Variants in CIC observed in about 807,000 individuals in gnomAD.
CIC encodes the protein protein capicua homolog.
CIC carries 18 observed loss-of-function variants against 115.7 expected under a neutral mutation model. The ratio of observed to expected loss-of-function variants is 0.16; its 90% CI spans 0.11 to 0.23. The LOEUF (loss-of-function observed/expected upper bound fraction) is 0.23. CIC is among the 10% of genes least tolerant of loss of function. The pLI is 1.00. For synonymous variants in CIC, 1,076 were observed against 923.0 expected (o/e 1.17, Z -3.01); for missense variants, 2,000 against 2,159.3 (o/e 0.93, Z 1.46).
At chr19:42,276,374 G>A (rs191426390) in intron 2 of CIC, among the ~76,000 whole-genome samples, 367 of 152,320 alleles carry the variant, frequency 2.4e-3, no homozygotes, top group Middle Eastern at 6.8e-3. Context: ...AACCACTGCT[G>A]CACCATAGAG....
intron 2 of CIC, among the ~76,000 whole-genome samples, chr19:42,274,948 G>A (rs190313321): frequency 3.0e-4 from 46 of 152,326 alleles, no homozygotes; most frequent in East Asian, 9.6e-4. Flanking sequence ...TAAGCACTGC[G>A]TGTAGGTGAG....
intron 2 of CIC, among the ~76,000 whole-genome samples, chr19:42,286,561 G>C (rs1287278801): frequency 1.3e-5 from 2 of 150,576 alleles, no homozygotes; most frequent in Non-Finnish European, 2.9e-5. Context: ...TCCCTTCCCT[G>C]CTTCTGTTTT....
chr19:42,288,863 C>T (rs369899233), intron 7 of CIC, 25 bp from the exon 8 acceptor site: 151 of 1,608,884 alleles, frequency 9.4e-5, no homozygotes, highest in Non-Finnish European at 1.3e-4. Flanking sequence ...TACTGACTGT[C>T]ATAGCGCCAC....
Position 42,295,181 on chromosome 19 carries a change from C to T in CIC, c.7544C>T (p.Thr2515Ile), listed in dbSNP as rs1336058229. 3 of 1,530,428 alleles carry T rather than the reference C, an allele frequency of 2.0e-6. No homozygotes were observed. Among genetic ancestry groups the T allele is most frequent in the Non-Finnish European group, 2.6e-6 (3 of 1,143,390 alleles). 94.8% of individuals were successfully genotyped at this position (1,530,428 alleles called of 1,614,324 possible). A position where few individuals can be genotyped will look rare whatever the true frequency, so the allele number is the denominator to read the frequency against. Residue 2515 changes from threonine to isoleucine, a missense_variant, in exon 21 of 21, where the codon ACA becomes ATA. Thr to Ile is a moderately conservative substitution (Grantham distance 89, BLOSUM62 -1). This residue lies in a region of CIC where 133 missense variants were observed against 116.0 expected (regional missense o/e 1.15). Coordinates refer to ENST00000681038, the MANE Select transcript of CIC (RefSeq NM_001386298.1). The stretch of plus-strand genomic sequence containing the variant: ...CCCCCAGGTCCCTCCACAGCTGCCA[C>T]AGGCAGGTGAGGGACCCCTGAGAAG... ...PPPPGPSTAA[T>I]GR
At position 42,276,156 on chromosome 19, in the gene CIC, A is replaced by T. The variant is rs1283112003; in HGVS notation, c.2794+1579A>T. Among the ~76,000 whole-genome samples, 3 of 152,208 alleles carry T rather than the reference A, an allele frequency of 2.0e-5. No individual in the cohort carries two copies. The East Asian group carries it at 5.8e-4, about 29-fold the overall frequency. ...GCAGGAAGGATCTTCAGGCAGAGGAAAGAGTTTGTGCAAAGGCCTTAAGGC... is the reference window on the plus strand; with the variant it reads ...GCAGGAAGGATCTTCAGGCAGAGGATAGAGTTTGTGCAAAGGCCTTAAGGC... On this transcript the variant is annotated intron_variant, in intron 2 of 20. Transcript: ENST00000681038.
Position 42,287,413 on chromosome 19 carries a change from C to G in CIC, c.3273C>G (p.Asp1091Glu), listed in dbSNP as rs769059501. 4 of 1,614,078 alleles carry G rather than the reference C, an allele frequency of 2.5e-6. No individual in the cohort carries two copies. Among genetic ancestry groups the G allele is most frequent in the Non-Finnish European group, 3.4e-6 (4 of 1,180,046 alleles). ...QSLSALPKER[D>E]SSSEKDGRSP... The stretch of plus-strand genomic sequence containing the variant: ...TCAGTGCCCTACCCAAGGAACGGGA[C>G]TCATCTTCTGAGAAGGATGGACGCA... Residue 1091 changes from aspartate to glutamate, a missense_variant, in exon 5 of 21, where the codon GAC becomes GAG. Asp to Glu is a conservative substitution (Grantham distance 45). Transcript: ENST00000681038. This position sits in a 1 kb window ranked among gnomAD's most constrained non-coding sequence, Gnocchi z 8.7.
Position 42,287,898 on chromosome 19 carries a change from G to T in CIC, c.3581G>T (p.Ser1194Ile), listed in dbSNP as rs1386902632. ...KKSSSEAKPTSLGLAGGHKET... is the reference protein window; with the variant it reads ...KKSSSEAKPTILGLAGGHKET... ...TCCAGCTCAGAGGCCAAGCCCACGA[G>T]CCTGGGGCTGGCAGGAGGGCACAAG... Residue 1194 changes from serine (S) to isoleucine (I), a missense_variant, in exon 7 of 21, where the codon AGC becomes ATC. Ser to Ile is a moderately radical substitution (Grantham distance 142). Around this residue, in one of 8 missense-constraint regions of CIC, gnomAD observed 38 missense variants for 50.3 expected, o/e 0.76. Transcript: ENST00000681038. The surrounding 1 kb of genome is among the most constrained non-coding windows in gnomAD (Gnocchi z 8.7). 7 of 1,610,266 alleles carry T rather than the reference G, an allele frequency of 4.3e-6. No homozygotes were observed. In the African/African-American group the frequency reaches 8.0e-5, roughly 18 times the overall value.
rs2037156719 is a variant in CIC at position 42,280,075 on chromosome 19, G to A, written c.2794+5498G>A. 6.6e-6 allele frequency: 1 copy of A among 152,224 alleles called. No homozygotes were observed. Among genetic ancestry groups the A allele is most frequent in the East Asian group, 1.9e-4 (1 of 5,174 alleles). The allele number at this position is 152,224 out of a possible 1,614,324, so 9.4% of individuals were successfully genotyped here. ...GCCGGGAGGGAGGCGCATTAGCGGC[G>A]GCGACGGCGTCTGGCTCCCATTACC... On this transcript the variant is annotated intron_variant, in intron 2 of 20. Transcript: ENST00000681038. The surrounding 1 kb of genome is among the most constrained non-coding windows in gnomAD (Gnocchi z 4.9).
chr19:42,276,348 G>A (rs2036977358), intron 2 of CIC, among the ~76,000 whole-genome samples: 1 of 152,188 alleles, frequency 6.6e-6, no homozygotes, highest in Admixed American at 6.5e-5. Flanking sequence ...AGTCATGGAA[G>A]GTTTTGAGCA....
At chr19:42,274,669 G>C (rs909894945) in intron 2 of CIC, 92 bp downstream of exon 2, 4 of 398,130 alleles carry the variant, frequency 1.0e-5, no homozygotes, top group African/African-American at 8.2e-5. Flanking sequence ...CCTCACCTTG[G>C]GAGGGCTTCA....
At position 42,269,270 on chromosome 19, in the gene CIC, G is replaced by GT. The variant is rs2036669490; in HGVS notation, c.-121dup. 1 of 142,652 alleles carries GT rather than the reference G, an allele frequency of 7.0e-6. No individual in the cohort carries two copies. Among genetic ancestry groups the GT allele is most frequent in the South Asian group, 2.5e-4 (1 of 3,976 alleles). 8.8% of individuals were successfully genotyped at this position (142,652 alleles called of 1,614,324 possible). On this transcript the variant is annotated 5_prime_UTR_variant, in exon 1 of 21. Transcript: ENST00000681038. ...TCCATTCACCATTTTGTGTGTTGGA[G>GT]TAAAAAAAAAAGGGAGAATCGAGAG... is the stretch of plus-strand genomic sequence containing the variant.
intron 2 of CIC, among the ~76,000 whole-genome samples, chr19:42,285,389 A>T (rs1387008551): frequency 1.3e-5 from 2 of 152,264 alleles, no homozygotes; most frequent in Non-Finnish European, 2.9e-5. Flanking sequence ...GGAGGCTTTT[A>T]TATGGGGTTG....
rs1434931998 is a variant in CIC, at chr19:42,273,459, A to T, written c.1676A>T (p.Asp559Val). The T allele has an allele frequency of 2.5e-6, 1 of 398,342 alleles. No individual in the cohort carries two copies. The highest frequency in any genetic ancestry group is 4.4e-6 in the Non-Finnish European group (1 of 225,918). 24.7% of individuals were successfully genotyped at this position (398,342 alleles called of 1,614,324 possible). ...GCCCGTGAGGGCAGCACGGAGTTTG[A>T]CTGGGGTGATGAGACGTCGAGGGAC... ...VAAREGSTEFDWGDETSRDSE... is the reference protein window; with the variant it reads ...VAAREGSTEFVWGDETSRDSE... The change falls in exon 2 of 21, where the codon GAC (aspartate) becomes GTC (valine). Residue 559 changes from aspartate (D) to valine (V), a missense_variant. Asp to Val is a radical substitution (Grantham distance 152). Around this residue, in one of 8 missense-constraint regions of CIC, gnomAD observed 222 missense variants for 247.7 expected, o/e 0.90. Coordinates refer to ENST00000681038, the MANE Select transcript of CIC (RefSeq NM_001386298.1).
intron 2 of CIC, chr19:42,284,635 G>A (rs2037483440): frequency 8.0e-7 from 1 of 1,242,470 alleles, no homozygotes; most frequent in Non-Finnish European, 1.1e-6. Context: ...CCGAGGAGCG[G>A]GCTGCGGGCG....
rs745695673 is a variant in CIC, at chr19:42,295,147, T to G, written c.7510T>G (p.Ser2504Ala). The change falls in exon 21 of 21, where the codon TCC (serine) becomes GCC (alanine). Residue 2504 changes from serine (S) to alanine (A), a missense_variant. This residue lies in a region of CIC where 133 missense variants were observed against 116.0 expected (regional missense o/e 1.15). Coordinates refer to ENST00000681038, the MANE Select transcript of CIC (RefSeq NM_001386298.1). ...TGGCTGGGAGGGGGCTCCCCAGCCC[T>G]CCCCCCCACCCCCAGGTCCCTCCAC... ...QPGWEGAPQP[S>A]PPPPGPSTAA... 48 of 356,980 alleles carry G rather than the reference T, an allele frequency of 1.3e-4. No individual in the cohort carries two copies. Among genetic ancestry groups the G allele is most frequent in the Non-Finnish European group, 1.9e-4 (43 of 221,852 alleles). The allele number at this position is 356,980 out of a possible 1,614,324, so 22.1% of individuals were successfully genotyped here. A position where few individuals can be genotyped will look rare whatever the true frequency, so the allele number is the denominator to read the frequency against.
At chr19:42,281,100 C>G (rs1370141370) in intron 2 of CIC, among the ~76,000 whole-genome samples, 1 of 151,370 alleles carries the variant, frequency 6.6e-6, no homozygotes, top group Non-Finnish European at 1.5e-5. Flanking sequence ...GGGCTCGTTC[C>G]CCAGGCAACC....
chr19:42,287,076 GC>G lies in CIC; in HGVS notation c.3020del (p.Pro1007LeufsTer107). ...GGTGSADPER[P>X]PGATCPESPG... ...GGACAGGGAGTGCTGACCCTGAGCG[GC>G]CCCCTGGAGCCACATGCCCTGAGAG... On this transcript the variant is annotated frameshift_variant, in exon 4 of 21. Coordinates refer to ENST00000681038, the MANE Select transcript of CIC (RefSeq NM_001386298.1). LOFTEE classifies it high-confidence loss of function. This position sits in a 1 kb window ranked among gnomAD's most constrained non-coding sequence, Gnocchi z 8.7. The G allele has an allele frequency of 6.2e-7, 1 of 1,612,874 alleles. No homozygotes were observed.
chr19:42,284,009 G>A (rs984452605), intron 2 of CIC: 1 of 149,700 alleles, frequency 6.7e-6, no homozygotes, highest in Non-Finnish European at 1.5e-5. Flanking sequence ...GGGGGAAGCG[G>A]GGAAGGGGCG....
At chr19:42,269,142 C>T (rs995763102), upstream of CIC, 1 of 152,014 alleles carries the variant, frequency 6.6e-6, no homozygotes, top group African/African-American at 2.4e-5. Flanking sequence ...CGCTCGTCGT[C>T]GAGAGGCGGA....
Sources: gnomAD v4.1 joint callset for allele counts (sites outside exome capture counted in the v4.1 genomes callset) on GRCh38, gnomAD v4.1.1 for gene constraint, gnomAD v4.1.1 regional missense constraint, Gnocchi (gnomAD v3.1) non-coding constraint, MANE v1.5 for transcripts, NCBI Gene and HGNC (gene_info 2026-07-23, HGNC 2026-07-21) for gene names.